The following FCHSD2 variants were observed in gnomAD, a reference collection of about 807,000 sequenced individuals.
The protein encoded by FCHSD2 is F-BAR and double SH3 domains protein 2.
FCHSD2 carries 38 observed loss-of-function variants against 108.1 expected under a neutral mutation model. That is an observed-to-expected ratio of 0.35 (90% CI 0.27 to 0.46). FCHSD2 has a LOEUF of 0.46. Ranked by LOEUF, FCHSD2 falls within the 20% of genes least tolerant of loss-of-function variation. The probability of loss-of-function intolerance (pLI) is 1.00; values close to 1 mark genes in which losing one functional copy is unlikely to be tolerated. For missense variants in FCHSD2, 751 were observed against 897.8 expected, an observed-to-expected ratio of 0.84 and a Z score of 2.09; for synonymous variants, 279 against 314.7, an observed-to-expected ratio of 0.89 and a Z score of 1.20.
chr11:72,844,311 A>T (rs1409495312), intron 14 of FCHSD2, among the ~76,000 whole-genome samples: 1 of 152,204 alleles, frequency 6.6e-6, no homozygotes, highest in Admixed American at 6.6e-5. Context: ...TGCAGTGCCT[A>T]GGATTGATCT....
Position 72,985,127 on chromosome 11 carries a change from A to T in FCHSD2, c.522-11T>A. ...AGACTAAGTTTAGATCTATAATAAA[A>T]ATAGAAAAGTATGTTTAATAAAATC... is the stretch of plus-strand genomic sequence containing the variant. On this transcript the variant is annotated splice_polypyrimidine_tract_variant and intron_variant, in intron 6 of 19. Coordinates refer to ENST00000409418, the MANE Select transcript of FCHSD2 (RefSeq NM_014824.3). 1 of 885,792 alleles carries T rather than the reference A, an allele frequency of 1.1e-6. No homozygotes were observed. Among genetic ancestry groups the T allele is most frequent in the Non-Finnish European group, 1.7e-6 (1 of 574,122 alleles). 54.9% of individuals were successfully genotyped at this position (885,792 alleles called of 1,614,324 possible). A position where few individuals can be genotyped will look rare whatever the true frequency, so the allele number is the denominator to read the frequency against.
At chr11:72,852,500 T>C (rs1460842603) in intron 13 of FCHSD2, among the ~76,000 whole-genome samples, 1 of 152,116 alleles carries the variant, frequency 6.6e-6, no homozygotes, top group Non-Finnish European at 1.5e-5. Flanking sequence ...ACCTTGTCTC[T>C]ACTAAAAATA....
chr11:72,878,273 T>C (rs1191773295), intron 12 of FCHSD2, among the ~76,000 whole-genome samples: 2 of 152,172 alleles, frequency 1.3e-5, no homozygotes, highest in Non-Finnish European at 2.9e-5. Context: ...CTGGGAAATA[T>C]ATTGAGACCC....
intron 2 of FCHSD2, among the ~76,000 whole-genome samples, chr11:73,100,246 C>T (rs1860189702): frequency 6.6e-6 from 1 of 152,196 alleles, no homozygotes; most frequent in Admixed American, 6.5e-5. Context: ...TCCCTTCCTC[C>T]CTTCTCAAGA....
chr11:72,934,095 T>G (rs566168842), intron 8 of FCHSD2, among the ~76,000 whole-genome samples: 6 of 84,938 alleles, frequency 7.1e-5, no homozygotes, highest in African/African-American at 2.4e-4. Flanking sequence ...GGCAACAGAG[T>G]AAGACACTGT....
At chr11:72,920,619 C>G (rs1019440280) in intron 9 of FCHSD2, among the ~76,000 whole-genome samples, 3 of 152,126 alleles carry the variant, frequency 2.0e-5, no homozygotes, top group Non-Finnish European at 4.4e-5. Flanking sequence ...ACTCAAAAAT[C>G]AACCACTTCA....
intron 2 of FCHSD2, among the ~76,000 whole-genome samples, chr11:73,089,659 C>T (rs1037648891): frequency 5.3e-5 from 8 of 151,956 alleles, no homozygotes; most frequent in South Asian, 4.1e-4. Context: ...AATAACATTA[C>T]GCTAAGTGAA....
intron 3 of FCHSD2, among the ~76,000 whole-genome samples, chr11:73,075,552 T>C (rs950924149): frequency 6.6e-6 from 1 of 152,172 alleles, no homozygotes; most frequent in African/African-American, 2.4e-5. Context: ...GTTTGATCAT[T>C]TGTTAAAAAG....
At chr11:73,129,396 G>GC (rs1356548164) in intron 2 of FCHSD2, among the ~76,000 whole-genome samples, 1 of 152,082 alleles carries the variant, frequency 6.6e-6, no homozygotes, top group African/African-American at 2.4e-5. Flanking sequence ...ACTTACAGCC[G>GC]CCCCCGCATT....
At chr11:72,934,110 GAAA>G (rs375464183) in intron 8 of FCHSD2, among the ~76,000 whole-genome samples, 13 of 50,890 alleles carry the variant, frequency 2.6e-4, no homozygotes, top group East Asian at 1.4e-3. Context: ...CACTGTCTCA[GAAA>G]AAAAAAAAAA....
intron 12 of FCHSD2, among the ~76,000 whole-genome samples, chr11:72,881,150 A>G (rs1024257477): frequency 2.0e-5 from 3 of 152,234 alleles, no homozygotes; most frequent in Non-Finnish European, 4.4e-5. Context: ...AATATACGGA[A>G]TATACACGGA....
At chr11:73,041,690 G>A (rs1485460175) in intron 3 of FCHSD2, among the ~76,000 whole-genome samples, 2 of 152,008 alleles carry the variant, frequency 1.3e-5, no homozygotes, top group Admixed American at 6.6e-5. Context: ...CCATTCTACA[G>A]GTTGTCTCTT....
chr11:73,043,752 A>C (rs1333355882), intron 3 of FCHSD2, among the ~76,000 whole-genome samples: 1 of 152,216 alleles, frequency 6.6e-6, no homozygotes, highest in Non-Finnish European at 1.5e-5. Flanking sequence ...TATGTGTTAC[A>C]TTCAGTTCTG....
At chr11:72,956,628 T>C (rs1856716073) in intron 8 of FCHSD2, among the ~76,000 whole-genome samples, 1 of 152,192 alleles carries the variant, frequency 6.6e-6, no homozygotes, top group Non-Finnish European at 1.5e-5. Context: ...GGACAGTGGC[T>C]TCTCAAGTGG....
intron 8 of FCHSD2, chr11:72,983,812 T>G (rs1414176173): frequency 1.9e-6 from 1 of 528,338 alleles, no homozygotes; most frequent in Non-Finnish European, 3.6e-6. Context: ...CTCTTGTATC[T>G]TCTACATCAA....
chr11:73,032,794 T>C (rs374557443), intron 3 of FCHSD2, among the ~76,000 whole-genome samples: 26 of 152,140 alleles, frequency 1.7e-4, no homozygotes, highest in African/African-American at 5.3e-4. Flanking sequence ...AGAAACTTCA[T>C]ACAAGCTGGC....
At chr11:72,902,450 A>G (rs1048005926) in intron 10 of FCHSD2, 93 bp downstream of exon 10, 4 of 742,380 alleles carry the variant, frequency 5.4e-6, no homozygotes, top group Non-Finnish European at 8.9e-6. Context: ...AGATATACTC[A>G]GCTTTTTCTG....
chr11:73,012,134 G>A (rs1017815641), intron 4 of FCHSD2, among the ~76,000 whole-genome samples: 1 of 152,096 alleles, frequency 6.6e-6, no homozygotes, highest in African/African-American at 2.4e-5. Context: ...ACTACAAATA[G>A]GGATGTGGAT....
chr11:73,027,638 C>T (rs1187097001), intron 3 of FCHSD2, among the ~76,000 whole-genome samples: 1 of 152,160 alleles, frequency 6.6e-6, no homozygotes, highest in Non-Finnish European at 1.5e-5. Context: ...TAAAAAGAAG[C>T]CAAATGTTAA....
Sources: allele counts gnomAD v4.1 joint callset (sites outside exome capture counted in the v4.1 genomes callset), GRCh38; gene constraint gnomAD v4.1.1; transcripts MANE v1.5; gene names NCBI Gene and HGNC (gene_info 2026-07-23, HGNC 2026-07-21).